The following XRN1 variants were observed in gnomAD, a reference collection of about 807,000 sequenced individuals.
The protein encoded by XRN1 is 5'-3' exoribonuclease 1.
A neutral mutation model predicts 222.3 loss-of-function variants in XRN1; 67 were observed. That is an observed-to-expected ratio of 0.30 (90% CI 0.25 to 0.37). The LOEUF is 0.37. XRN1 is among the 10% of genes least tolerant of loss of function. The pLI is 1.00. For missense variants in XRN1, 1,707 were observed against 2,000.2 expected, an observed-to-expected ratio of 0.85 and a Z score of 2.80; for synonymous variants, 643 against 652.4, an observed-to-expected ratio of 0.99 and a Z score of 0.22.
chr3:142,324,053 T>C (rs2065441120), intron 37 of XRN1, among the ~76,000 whole-genome samples: 1 of 152,014 alleles, frequency 6.6e-6, no homozygotes, highest in African/African-American at 2.4e-5. Flanking sequence ...CTTTTGGTTA[T>C]TTTAAAATAT....
At chr3:142,382,097 T>C (rs528015900) in intron 22 of XRN1, among the ~76,000 whole-genome samples, 7 of 152,220 alleles carry the variant, frequency 4.6e-5, no homozygotes, top group Non-Finnish European at 8.8e-5. Context: ...CGATGCTAAC[T>C]TTGATTATAC....
chr3:142,441,572 G>C (rs1467962900), intron 1 of XRN1, among the ~76,000 whole-genome samples: 1 of 152,240 alleles, frequency 6.6e-6, no homozygotes, highest in Non-Finnish European at 1.5e-5. Context: ...AGTGGCTGCA[G>C]TTGCAGTCTT....
rs1474316686 is a variant in XRN1, at chr3:142,418,955, A to G, written c.1174-74T>C. ...ATGAGATGTCATTTCTCTTCCATGC[A>G]CCCATTTGCTTTTCTATAGTTCTTC... On this transcript the variant is annotated intron_variant, in intron 10 of 40. Coordinates refer to ENST00000392981, the MANE Select transcript of XRN1 (RefSeq NM_001282857.2). 2.8e-6 allele frequency: 4 copies of G among 1,409,594 alleles called. No homozygotes were observed. In the South Asian group the frequency reaches 4.6e-5, roughly 16 times the overall value. The allele number at this position is 1,409,594 out of a possible 1,614,324, so 87.3% of individuals were successfully genotyped here. A position where few individuals can be genotyped will look rare whatever the true frequency, so the allele number is the denominator to read the frequency against.
chr3:142,314,090 A>G (rs2065145040), intron 39 of XRN1, among the ~76,000 whole-genome samples: 1 of 152,368 alleles, frequency 6.6e-6, no homozygotes, highest in Non-Finnish European at 1.5e-5. Context: ...TATGAAATAC[A>G]TATTCCTCAA....
chr3:142,432,588 A>G (rs1002804742), intron 2 of XRN1, 73 bp downstream of exon 2: 23 of 1,313,284 alleles, frequency 1.8e-5, no homozygotes, highest in Non-Finnish European at 2.3e-5. Flanking sequence ...GATTGTGTTA[A>G]ATCAATTATC....
At chr3:142,367,890 TAC>T (rs749828589) in intron 27 of XRN1, among the ~76,000 whole-genome samples, 45 of 151,958 alleles carry the variant, frequency 3.0e-4, no homozygotes, top group Non-Finnish European at 5.4e-4. Flanking sequence ...TCTTCAGAAT[TAC>T]AGTGTTTTTT....
chr3:142,317,747 C>G (rs1048419954), intron 39 of XRN1, among the ~76,000 whole-genome samples: 7 of 152,206 alleles, frequency 4.6e-5, no homozygotes, highest in African/African-American at 1.7e-4. Context: ...CTAATAGTTT[C>G]TGATGCCTCC....
intron 32 of XRN1, among the ~76,000 whole-genome samples, chr3:142,350,546 G>A (rs1027590861): frequency 6.6e-6 from 1 of 152,110 alleles, no homozygotes; most frequent in African/African-American, 2.4e-5. Context: ...CATGATCTCT[G>A]ACATATTTTA....
At chr3:142,424,267 G>C (rs140269075) in intron 5 of XRN1, among the ~76,000 whole-genome samples, 4,271 of 152,148 alleles carry the variant, frequency 0.028, 88 homozygotes, top group Middle Eastern at 0.054. Flanking sequence ...GCTAATTTTT[G>C]TATTTTTTAG....
Position 142,307,777 on chromosome 3 carries a change from T to C in XRN1, c.*3734A>G, listed in dbSNP as rs1157653539. ...CTAGGAAAGGAAGCTCCTGCAAAAC[T>C]GATGGTTTCACTGACAAAGCTTACA... On this transcript the variant is annotated 3_prime_UTR_variant, in exon 41 of 41. Transcript: ENST00000392981. The C allele has an allele frequency of 1.3e-5, 2 of 152,182 alleles. No individual in the cohort carries two copies. The highest frequency in any genetic ancestry group is 4.8e-5 in the African/African-American group (2 of 41,452). 9.4% of individuals were successfully genotyped at this position (152,182 alleles called of 1,614,324 possible). A position where few individuals can be genotyped will look rare whatever the true frequency, so the allele number is the denominator to read the frequency against.
chr3:142,361,805 T>C (rs1381509846), intron 29 of XRN1, among the ~76,000 whole-genome samples: 2 of 152,082 alleles, frequency 1.3e-5, no homozygotes, highest in Admixed American at 6.5e-5. Context: ...AAAAAAACTT[T>C]TATATAGTCT....
chr3:142,423,870 C>G (rs2069138054), intron 5 of XRN1, among the ~76,000 whole-genome samples: 1 of 151,914 alleles, frequency 6.6e-6, no homozygotes. Context: ...TAACCATTAC[C>G]CTATCCCCTG....
intron 27 of XRN1, among the ~76,000 whole-genome samples, chr3:142,366,968 T>C (rs553069773): frequency 1.3e-5 from 2 of 152,214 alleles, no homozygotes; most frequent in East Asian, 3.9e-4. Context: ...CTATTCAAAA[T>C]ATGATCACCT....
At chr3:142,388,740 C>T (rs1253232653) in intron 20 of XRN1, among the ~76,000 whole-genome samples, 3 of 152,176 alleles carry the variant, frequency 2.0e-5, no homozygotes, top group Non-Finnish European at 4.4e-5. Context: ...TAGCATTTTA[C>T]CCACAAGAGA....
chr3:142,385,648 CAGA>C (rs943327776), intron 20 of XRN1, among the ~76,000 whole-genome samples: 1 of 152,162 alleles, frequency 6.6e-6, no homozygotes. Flanking sequence ...TTGCCCTTTA[CAGA>C]AGAAGTTTGC....
At chr3:142,316,831 G>C (rs1321665736) in intron 39 of XRN1, among the ~76,000 whole-genome samples, 1 of 152,146 alleles carries the variant, frequency 6.6e-6, no homozygotes, top group Non-Finnish European at 1.5e-5. Flanking sequence ...ATTTCTGAAG[G>C]CTGAAGTGGG....
At chr3:142,427,183 A>T (rs752550971) in intron 2 of XRN1, among the ~76,000 whole-genome samples, 1 of 152,152 alleles carries the variant, frequency 6.6e-6, no homozygotes, top group Non-Finnish European at 1.5e-5. Flanking sequence ...AAAAAAAATT[A>T]TTAGCCAGGT....
At chr3:142,341,492 AAAGG>A (rs1318030854) in intron 33 of XRN1, among the ~76,000 whole-genome samples, 1 of 152,054 alleles carries the variant, frequency 6.6e-6, no homozygotes, top group Non-Finnish European at 1.5e-5. Context: ...AATAATAATA[AAAGG>A]AAGACAGGAA....
In XRN1 at chr3:142,418,474, T is replaced by C. The variant is rs752437073; in HGVS notation, c.1346+30A>G. The C allele has an allele frequency of 1.6e-5, 24 of 1,522,062 alleles. No homozygotes were observed. In the East Asian group the frequency reaches 3.2e-4, roughly 20 times the overall value. 94.3% of individuals were successfully genotyped at this position (1,522,062 alleles called of 1,614,324 possible). On this transcript the variant is annotated intron_variant, in intron 12 of 40. Transcript: ENST00000392981. The stretch of plus-strand genomic sequence containing the variant: ...AACTGCAAAATCTAATTTTTTCTAT[T>C]TTAAAATAAAAGCATTGGCAAAAAC...
Sources: gnomAD v4.1 joint callset for allele counts (sites outside exome capture counted in the v4.1 genomes callset) on GRCh38, gnomAD v4.1.1 for gene constraint, MANE v1.5 for transcripts, NCBI Gene and HGNC (gene_info 2026-07-23, HGNC 2026-07-21) for gene names.